MAP3K21: variants seen among roughly 807,000 people sequenced by gnomAD.
The protein encoded by MAP3K21 is mitogen-activated protein kinase kinase kinase MLK4.
Under a neutral mutation model 86.1 loss-of-function variants are expected in MAP3K21, and 63 were observed. The observed-to-expected ratio is 0.73, with a 90% CI of 0.60 to 0.90. MAP3K21 has a LOEUF of 0.90. Ranked by LOEUF, MAP3K21 falls within the 40% of genes least tolerant of loss-of-function variation. The pLI, the probability that MAP3K21 is intolerant of heterozygous loss-of-function variation, is 0.00. For missense variants in MAP3K21, 1,220 were observed against 1,367.7 expected (o/e 0.89, Z 1.70); for synonymous variants, 558 against 564.8 (o/e 0.99, Z 0.17).
chr1:233,350,246 G>T (rs1663225140), intron 2 of MAP3K21, among the ~76,000 whole-genome samples: 1 of 149,784 alleles, frequency 6.7e-6, no homozygotes, highest in Admixed American at 6.7e-5. Flanking sequence ...ATTTTTTGTT[G>T]TTTTTTTTTC....
intron 9 of MAP3K21, among the ~76,000 whole-genome samples, chr1:233,380,025 G>A (rs1663884239): frequency 2.0e-5 from 3 of 152,190 alleles, no homozygotes; most frequent in South Asian, 2.1e-4. Flanking sequence ...TTAGAACCAC[G>A]GATGAGTGGG....
chr1:233,375,647 A>T, intron 6 of MAP3K21: 1 of 460,934 alleles, frequency 2.2e-6, no homozygotes, highest in Non-Finnish European at 3.8e-6. Flanking sequence ...AAAATGCTAA[A>T]TAAATAGATT....
At chr1:233,336,398 G>A (rs1034486906) in intron 1 of MAP3K21, among the ~76,000 whole-genome samples, 6 of 152,082 alleles carry the variant, frequency 3.9e-5, no homozygotes, top group East Asian at 1.9e-4. Flanking sequence ...GAAATTAGCC[G>A]GACGTGGTGG....
At position 233,327,969 on chromosome 1, in the gene MAP3K21, G is replaced by A. The variant is rs1422351916; in HGVS notation, c.-60G>A. ...CCACACCGCCGGACGATGCGCGCCC[G>A]CGGCCGCCCGGGAGGCTGAGCCCAG... is the stretch of plus-strand genomic sequence containing the variant. On this transcript the variant is annotated 5_prime_UTR_variant, in exon 1 of 10. Coordinates refer to ENST00000366624, the MANE Select transcript of MAP3K21 (RefSeq NM_032435.3). The A allele has an allele frequency of 8.2e-6, 10 of 1,224,486 alleles. No homozygotes were observed. Among genetic ancestry groups the A allele is most frequent in the Non-Finnish European group, 9.2e-6 (9 of 982,538 alleles). 75.9% of individuals were successfully genotyped at this position (1,224,486 alleles called of 1,614,324 possible).
chr1:233,379,560 A>C lies in MAP3K21; in HGVS notation c.2554A>C (p.Met852Leu), dbSNP rs746727047. ...AGGAAGTGGTCGTGAGCCAGCCCTCATGCCAAGACTTGACACTGATTGTAG... is the reference window on the plus strand; with the variant it reads ...AGGAAGTGGTCGTGAGCCAGCCCTCCTGCCAAGACTTGACACTGATTGTAG... ...APGSGREPAL[M>L]PRLDTDCSVS... The change falls in exon 9 of 10, where the codon ATG becomes CTG. Residue 852 changes from methionine (M) to leucine (L), a missense_variant. Around this residue, in one of 5 missense-constraint regions of MAP3K21, gnomAD observed 632 missense variants for 691.3 expected, o/e 0.91. Transcript: ENST00000366624. 1 of 1,614,222 alleles carries C rather than the reference A, an allele frequency of 6.2e-7. No individual in the cohort carries two copies. The highest frequency in any genetic ancestry group is 8.5e-7 in the Non-Finnish European group (1 of 1,180,044).
rs113534808 is a variant in MAP3K21 at position 233,350,346 on chromosome 1, C to T, written c.987-3461C>T. The stretch of plus-strand genomic sequence containing the variant: ...AAACTGAGAAACTACCGATCCCTGG[C>T]GCTGCTTAGTTGTAGGGTCAAACAT... On this transcript the variant is annotated intron_variant, in intron 2 of 9. Transcript: ENST00000366624. Among the ~76,000 whole-genome samples, 915 of 152,136 alleles carry T rather than the reference C, an allele frequency of 6.0e-3. 19 individuals are homozygous for T. In the East Asian group the frequency reaches 0.062, roughly 10 times the overall value.
chr1:233,356,332 A>G (rs1282300940), intron 4 of MAP3K21, among the ~76,000 whole-genome samples: 2 of 152,204 alleles, frequency 1.3e-5, no homozygotes, highest in African/African-American at 4.8e-5. Flanking sequence ...CTTCATTTGC[A>G]TACACAGCAT....
Position 233,339,195 on chromosome 1 carries a change from T to TTTC in MAP3K21, c.806-7177_806-7175dup, listed in dbSNP as rs71173272. Among the ~76,000 whole-genome samples, 612 of 115,466 alleles carry TTTC rather than the reference T, an allele frequency of 5.3e-3. 37 individuals are homozygous for TTTC. The highest frequency in any genetic ancestry group is 0.013 in the Middle Eastern group (3 of 226). The allele number at this position is 115,466 out of a possible 152,430, so 75.8% of individuals were successfully genotyped here. A position where few individuals can be genotyped will look rare whatever the true frequency, so the allele number is the denominator to read the frequency against. ...GCTACAATTATTTTTAAAACAATCATTTCTTCTTCTTCTTCTTCTTCTTCT... is the reference window on the plus strand; with the variant it reads ...GCTACAATTATTTTTAAAACAATCATTTCTTCTTCTTCTTCTTCTTCTTCTTCT... On this transcript the variant is annotated intron_variant, in intron 1 of 9. Transcript: ENST00000366624.
At chr1:233,363,563 A>G (rs1204038490) in intron 5 of MAP3K21, among the ~76,000 whole-genome samples, 5 of 152,072 alleles carry the variant, frequency 3.3e-5, no homozygotes, top group South Asian at 2.1e-4. Context: ...GTAGCCGGGC[A>G]TGGTGGCAGG....
At chr1:233,344,529 T>A (rs1402415896) in intron 1 of MAP3K21, among the ~76,000 whole-genome samples, 1 of 152,214 alleles carries the variant, frequency 6.6e-6, no homozygotes, top group Admixed American at 6.5e-5. Flanking sequence ...GCTAGCCATA[T>A]GTAGAAAGCT....
At position 233,334,739 on chromosome 1, in the gene MAP3K21, G is replaced by A. The variant is rs1662880374; in HGVS notation, c.805+5906G>A. 1.3e-5 allele frequency among the ~76,000 whole-genome samples: 2 copies of A among 152,194 alleles called. 1 individual carries two copies. The highest frequency in any genetic ancestry group is 4.1e-4 in the South Asian group (2 of 4,832). Reference sequence around the variant, plus strand: ...GAGGAGTAGTGTAGTATGATCTGCTGCAAGAAAACACATCTACAGAGAGAG... The same window carrying A: ...GAGGAGTAGTGTAGTATGATCTGCTACAAGAAAACACATCTACAGAGAGAG... On this transcript the variant is annotated intron_variant, in intron 1 of 9. Coordinates refer to ENST00000366624, the MANE Select transcript of MAP3K21 (RefSeq NM_032435.3).
At position 233,382,835 on chromosome 1, in the gene MAP3K21, A is replaced by G; in HGVS notation, c.*124A>G. ...GCTGTGGCCATGTTCCTAAATTAGT[A>G]AGATATATCCAGCTTCTCAAAAAAT... On this transcript the variant is annotated 3_prime_UTR_variant, in exon 10 of 10. Transcript: ENST00000366624. 1.3e-6 allele frequency: 1 copy of G among 795,642 alleles called. No individual in the cohort carries two copies. Among genetic ancestry groups the G allele is most frequent in the Non-Finnish European group, 2.0e-6 (1 of 509,756 alleles). The allele number at this position is 795,642 out of a possible 1,614,324, so 49.3% of individuals were successfully genotyped here. A position where few individuals can be genotyped will look rare whatever the true frequency, so the allele number is the denominator to read the frequency against.
chr1:233,354,581 C>T (rs750404028), intron 3 of MAP3K21, among the ~76,000 whole-genome samples: 56 of 152,084 alleles, frequency 3.7e-4, no homozygotes, highest in Non-Finnish European at 6.5e-4. Flanking sequence ...TTATTAAATG[C>T]GGTATAATAT....
intron 1 of MAP3K21, among the ~76,000 whole-genome samples, chr1:233,337,172 T>C (rs1662933764): frequency 6.6e-6 from 1 of 151,482 alleles, no homozygotes; most frequent in South Asian, 2.1e-4. Context: ...GCAGCCCATA[T>C]GGTCTCTGTT....
intron 1 of MAP3K21, among the ~76,000 whole-genome samples, chr1:233,335,553 A>G (rs1662895943): frequency 1.3e-5 from 2 of 152,102 alleles, no homozygotes; most frequent in South Asian, 2.1e-4. Context: ...ACTGAACTCA[A>G]TGATTAACTG....
intron 9 of MAP3K21, 25 bp downstream of exon 9, chr1:233,379,735 G>C: frequency 6.5e-7 from 1 of 1,545,878 alleles, no homozygotes; most frequent in Non-Finnish European, 8.9e-7. Context: ...TTAGGTAAAA[G>C]CATAAAACAC....
At chr1:233,361,295 C>A (rs1663461590) in intron 4 of MAP3K21, among the ~76,000 whole-genome samples, 1 of 152,184 alleles carries the variant, frequency 6.6e-6, no homozygotes, top group Non-Finnish European at 1.5e-5. Context: ...TGAGGTCTAA[C>A]TTTAATCAGT....
intron 1 of MAP3K21, among the ~76,000 whole-genome samples, chr1:233,336,107 T>C (rs930895669): frequency 6.6e-6 from 1 of 152,230 alleles, no homozygotes. Context: ...TGAGAACTTT[T>C]TAAAAATAAC....
chr1:233,376,827 T>C (rs1294247), intron 8 of MAP3K21, among the ~76,000 whole-genome samples: 67,509 of 151,990 alleles, frequency 0.44, 15,212 homozygotes, highest in African/African-American at 0.52. Context: ...ATATTAGATG[T>C]AAAAATATAG....
Sources: allele counts gnomAD v4.1 joint callset (sites outside exome capture counted in the v4.1 genomes callset), GRCh38; gene constraint gnomAD v4.1.1; regional missense constraint gnomAD v4.1.1; transcripts MANE v1.5; gene names NCBI Gene and HGNC (gene_info 2026-07-23, HGNC 2026-07-21).